IL1RAPL2: variants seen among roughly 807,000 people sequenced by gnomAD.
The protein encoded by IL1RAPL2 is X-linked interleukin-1 receptor accessory protein-like 2.
IL1RAPL2 carries 3 observed loss-of-function variants against 44.1 expected under a neutral mutation model. The observed-to-expected ratio is 0.07, with a 90% CI of 0.03 to 0.18. IL1RAPL2 has a LOEUF of 0.18. Ranked by LOEUF, IL1RAPL2 falls within the 10% of genes least tolerant of loss-of-function variation. The pLI, the probability that IL1RAPL2 is intolerant of heterozygous loss-of-function variation, is 1.00. For missense variants in IL1RAPL2, 391 were observed against 496.4 expected (o/e 0.79, Z 2.02); for synonymous variants, 181 against 178.8 (o/e 1.01, Z -0.10).
rs1194309911 is a variant in IL1RAPL2, at chrX:104,566,690, C to T, written c.-381C>T. ...TTAGGAGAGTCTAGTCACTGAGAGA[C>T]AGAGGCAGCATCTGCCATTCTAACT... is the stretch of plus-strand genomic sequence containing the variant. On this transcript the variant is annotated 5_prime_UTR_variant, in exon 1 of 11. Transcript: ENST00000372582. 1 of 113,166 alleles carries T rather than the reference C, an allele frequency of 8.8e-6. No individual in the cohort carries two copies. The highest frequency in any genetic ancestry group is 1.9e-5 in the Non-Finnish European group (1 of 53,390). The allele number at this position is 113,166 out of a possible 1,213,427, so 9.3% of individuals were successfully genotyped here.
At chrX:104,854,867 G>A (rs1191462689) in intron 2 of IL1RAPL2, among the ~76,000 whole-genome samples, 1 of 111,305 alleles carries the variant, frequency 9.0e-6, no homozygotes, top group Non-Finnish European at 1.9e-5. Flanking sequence ...TTCTGACCTG[G>A]GCCAATTTTT....
At chrX:105,692,669 G>GAAA (rs11298771) in intron 6 of IL1RAPL2, among the ~76,000 whole-genome samples, 1 of 98,525 alleles carries the variant, frequency 1.0e-5, no homozygotes, top group East Asian at 3.2e-4. Flanking sequence ...AATGCTGAAT[G>GAAA]AAAAAAAAAA....
chrX:104,639,783 T>C (rs1019678398), intron 1 of IL1RAPL2, among the ~76,000 whole-genome samples: 1 of 112,139 alleles, frequency 8.9e-6, no homozygotes, highest in Non-Finnish European at 1.9e-5. Flanking sequence ...GCTGGACATG[T>C]TATTCTTTGC....
At chrX:104,760,264 A>T (rs1932404651) in intron 2 of IL1RAPL2, among the ~76,000 whole-genome samples, 1 of 111,866 alleles carries the variant, frequency 8.9e-6, no homozygotes. Context: ...TACTTCTTGG[A>T]TATACTTATT....
At chrX:104,971,720 C>G (rs1239208442) in intron 2 of IL1RAPL2, among the ~76,000 whole-genome samples, 1 of 111,127 alleles carries the variant, frequency 9.0e-6, no homozygotes, top group East Asian at 2.8e-4. Flanking sequence ...TTAGGGTTGA[C>G]TCATGATAGA....
At chrX:105,216,655 A>G (rs1388889568) in intron 3 of IL1RAPL2, among the ~76,000 whole-genome samples, 1 of 111,684 alleles carries the variant, frequency 9.0e-6, no homozygotes, top group Non-Finnish European at 1.9e-5. Flanking sequence ...GACAATCCTA[A>G]GCAAAAAGAA....
intron 5 of IL1RAPL2, among the ~76,000 whole-genome samples, chrX:105,362,812 T>C (rs1194149903): frequency 8.9e-6 from 1 of 111,739 alleles, no homozygotes; most frequent in Non-Finnish European, 1.9e-5. Context: ...ATGTGTATAT[T>C]GTAGAAAGAG....
At chrX:105,590,507 T>C (rs2037160659) in intron 6 of IL1RAPL2, among the ~76,000 whole-genome samples, 1 of 111,780 alleles carries the variant, frequency 8.9e-6, no homozygotes, top group Non-Finnish European at 1.9e-5. Flanking sequence ...GCTATGAATT[T>C]GTCATAGATT....
At chrX:104,922,904 CAAAG>C (rs1402720193) in intron 2 of IL1RAPL2, among the ~76,000 whole-genome samples, 3 of 110,986 alleles carry the variant, frequency 2.7e-5, no homozygotes, top group African/African-American at 9.8e-5. Flanking sequence ...AGAACCAACA[CAAAG>C]AAATCAGAAA....
intron 2 of IL1RAPL2, among the ~76,000 whole-genome samples, chrX:104,748,250 T>C (rs1932206800): frequency 8.9e-6 from 1 of 111,945 alleles, no homozygotes; most frequent in Non-Finnish European, 1.9e-5. Context: ...ATTCAATCTT[T>C]GAAGAAAATC....
At chrX:105,447,064 T>G (rs1229715135) in intron 5 of IL1RAPL2, among the ~76,000 whole-genome samples, 2 of 54,595 alleles carry the variant, frequency 3.7e-5, no homozygotes, top group African/African-American at 1.2e-4. Flanking sequence ...GAATAGTATA[T>G]CTGGTTAAAA....
Position 105,717,513 on chromosome X carries a change from G to T in IL1RAPL2, c.902+17G>T. 8.5e-7 allele frequency: 1 copy of T among 1,180,080 alleles called. No homozygotes were observed. The highest frequency in any genetic ancestry group is 1.1e-6 in the Non-Finnish European group (1 of 876,971). On this transcript the variant is annotated intron_variant, in intron 7 of 10. Coordinates refer to ENST00000372582, the MANE Select transcript of IL1RAPL2 (RefSeq NM_017416.2). ...TGAAATAAGGTAGAGAGCTTGAATT[G>T]CTTATCTTTCTTTGCTGTCTTACGG...
At chrX:105,268,725 G>A (rs143663644) in intron 5 of IL1RAPL2, among the ~76,000 whole-genome samples, 4,051 of 111,082 alleles carry the variant, frequency 0.036, 195 homozygotes, top group African/African-American at 0.13. Context: ...CTGAAATCAC[G>A]CCACTTCACT....
intron 9 of IL1RAPL2, among the ~76,000 whole-genome samples, chrX:105,753,589 G>A (rs956999591): frequency 9.0e-6 from 1 of 111,044 alleles, no homozygotes; most frequent in Non-Finnish European, 1.9e-5. Context: ...AGGATTACCA[G>A]GAGGTTCTTA....
intron 2 of IL1RAPL2, among the ~76,000 whole-genome samples, chrX:105,169,492 CTTTTTT>C (rs748101220): frequency 4.8e-5 from 2 of 41,587 alleles, no homozygotes; most frequent in African/African-American, 2.8e-4. Flanking sequence ...TTCTTTCTTT[CTTTTTT>C]TTTTTTTTTT....
intron 6 of IL1RAPL2, among the ~76,000 whole-genome samples, chrX:105,632,057 CT>C (rs927024850): frequency 6.6e-5 from 7 of 106,528 alleles, no homozygotes; most frequent in Non-Finnish European, 9.8e-5. Context: ...ATTCCTTTCC[CT>C]TTTTTTTTTC....
intron 2 of IL1RAPL2, among the ~76,000 whole-genome samples, chrX:104,881,343 T>C: frequency 8.9e-6 from 1 of 112,199 alleles, no homozygotes. Context: ...TCATTTTTCA[T>C]ATTTATCTGT....
intron 5 of IL1RAPL2, among the ~76,000 whole-genome samples, chrX:105,467,261 G>A (rs2036136880): frequency 8.9e-6 from 1 of 111,824 alleles, no homozygotes; most frequent in East Asian, 2.8e-4. Flanking sequence ...CATTCTGTGA[G>A]ACATTTCTTA....
intron 2 of IL1RAPL2, among the ~76,000 whole-genome samples, chrX:104,931,589 T>G (rs2147697288): frequency 9.0e-6 from 1 of 111,529 alleles, no homozygotes; most frequent in Non-Finnish European, 1.9e-5. Flanking sequence ...AAAGCTGTGG[T>G]ATTATTTGTG....
Sources: allele counts gnomAD v4.1 joint callset (sites outside exome capture counted in the v4.1 genomes callset), GRCh38; gene constraint gnomAD v4.1.1; transcripts MANE v1.5; gene names NCBI Gene and HGNC (gene_info 2026-07-23, HGNC 2026-07-21).